The following GSDMC variants were observed in gnomAD, a reference collection of about 807,000 sequenced individuals.
GSDMC encodes the protein gasdermin C, also known as gasdermin-C.
GSDMC carries 59 observed loss-of-function variants against 58.0 expected under a neutral mutation model. That is an observed-to-expected ratio of 1.02 (90% CI 0.82 to 1.26). The LOEUF (loss-of-function observed/expected upper bound fraction) is 1.26. GSDMC is among the 50% of genes most tolerant of loss of function. GSDMC has a pLI of 0.00. For synonymous variants in GSDMC, 241 were observed against 220.2 expected (o/e 1.09, Z -0.83); for missense variants, 659 against 598.5 (o/e 1.10, Z -1.06).
downstream of GSDMC, among the ~76,000 whole-genome samples, chr8:129,747,065 C>T (rs1250190189): frequency 6.7e-6 from 1 of 149,498 alleles, no homozygotes; most frequent in African/African-American, 2.5e-5. Context: ...TCCCGGCCAA[C>T]ATGGTGAAAC....
chr8:129,708,545 A>C, the GSDMC span, among the ~76,000 whole-genome samples: 2 of 152,246 alleles, frequency 1.3e-5, no homozygotes. Flanking sequence ...ACATTCTTAT[A>C]TTCACCAGGA....
In GSDMC at chr8:129,753,550, T is replaced by A. The variant is rs116839636; in HGVS notation, c.722-730A>T. On this transcript the variant is annotated intron_variant, in intron 6 of 13. Transcript: ENST00000276708. Reference sequence around the variant, plus strand: ...CTCTGAGATGTGCTAACTAAAGGTGTGACTCAGCATATTCCCAGCTGCGGT... The same window carrying A: ...CTCTGAGATGTGCTAACTAAAGGTGAGACTCAGCATATTCCCAGCTGCGGT... Among the ~76,000 whole-genome samples, 393 of 152,300 alleles carry A rather than the reference T, an allele frequency of 2.6e-3. 1 individual carries two copies. Among genetic ancestry groups the A allele is most frequent in the African/African-American group, 9.1e-3 (377 of 41,558 alleles).
At position 129,748,553 on chromosome 8, in the gene GSDMC, A is replaced by G. The variant is rs979564302; in HGVS notation, c.1475T>C (p.Leu492Pro). ...STWDVEAKMP[L>P]SALYGTLSLL... ...CGAGAGAGTCCCATAGAGGGCAGACAGGGGCATCTTTGCTTCTACATCCCA... is the reference window on the plus strand; with the variant it reads ...CGAGAGAGTCCCATAGAGGGCAGACGGGGGCATCTTTGCTTCTACATCCCA... Residue 492 changes from leucine (L) to proline (P), a missense_variant, in exon 14 of 14, where the codon CTG (leucine) becomes CCG (proline). Coordinates refer to ENST00000276708, the MANE Select transcript of GSDMC (RefSeq NM_031415.3). 1.2e-6 allele frequency: 2 copies of G among 1,613,682 alleles called. No individual in the cohort carries two copies. The highest frequency in any genetic ancestry group is 3.3e-5 in the Admixed American group (2 of 59,972).
the GSDMC span, among the ~76,000 whole-genome samples, chr8:129,736,082 C>T: frequency 0.16 from 24,477 of 151,128 alleles, 2,549 homozygotes; most frequent in Non-Finnish European, 0.23. Context: ...CCTGGACACA[C>T]ACATGCTCCG....
chr8:129,773,249 A>G (rs1486830022), intron 3 of GSDMC, among the ~76,000 whole-genome samples: 1 of 152,226 alleles, frequency 6.6e-6, no homozygotes, highest in Non-Finnish European at 1.5e-5. Context: ...TCTATTCAGT[A>G]TGGCACTGGA....
intron 3 of GSDMC, among the ~76,000 whole-genome samples, chr8:129,769,932 C>T (rs1220285609): frequency 6.6e-6 from 1 of 151,972 alleles, no homozygotes; most frequent in East Asian, 1.9e-4. Context: ...TGTTAATTAA[C>T]AACGTAAAAC....
At chr8:129,740,837 T>C in the GSDMC span, among the ~76,000 whole-genome samples, 5 of 152,200 alleles carry the variant, frequency 3.3e-5, no homozygotes, top group Admixed American at 6.5e-5. Context: ...GCACAGAAGC[T>C]TTTTAACTTA....
At chr8:129,705,666 C>G in the GSDMC span, 1 of 152,188 alleles carries the variant, frequency 6.6e-6, no homozygotes, top group Non-Finnish European at 1.5e-5. Flanking sequence ...CTGGGTACCT[C>G]CCATGACACA....
chr8:129,742,609 T>C, the GSDMC span, among the ~76,000 whole-genome samples: 2 of 152,088 alleles, frequency 1.3e-5, no homozygotes, highest in African/African-American at 4.8e-5. Context: ...CCTTCATCCA[T>C]TCAACTCGAG....
intron 10 of GSDMC, 126 bp from the exon 11 acceptor site, chr8:129,750,696 A>C (rs1326413648): frequency 2.3e-6 from 2 of 880,388 alleles, no homozygotes; most frequent in African/African-American, 1.7e-5. Flanking sequence ...TGCTAACCAA[A>C]ATTGTCTCTG....
chr8:129,781,073 T>A (rs1273586191), intron 1 of GSDMC, among the ~76,000 whole-genome samples: 1 of 152,028 alleles, frequency 6.6e-6, no homozygotes, highest in African/African-American at 2.4e-5. Flanking sequence ...AATTGAAATA[T>A]ACCATCAGTG....
the GSDMC span, among the ~76,000 whole-genome samples, chr8:129,735,501 C>T: frequency 6.6e-6 from 1 of 152,192 alleles, no homozygotes; most frequent in Non-Finnish European, 1.5e-5. Flanking sequence ...GATTAAGAAA[C>T]TCACTTAAAA....
At chr8:129,750,235 CA>C in intron 11 of GSDMC, 116 bp from the exon 12 acceptor site, 2 of 1,045,056 alleles carry the variant, frequency 1.9e-6, no homozygotes, top group South Asian at 1.7e-5. Flanking sequence ...CTACCTCCCC[CA>C]GGGGATTCCA....
intron 4 of GSDMC, among the ~76,000 whole-genome samples, chr8:129,763,564 C>T (rs996836483): frequency 3.3e-5 from 5 of 152,206 alleles, no homozygotes; most frequent in East Asian, 3.9e-4. Context: ...TAAATCTCCT[C>T]GACTGATCCT....
intron 3 of GSDMC, among the ~76,000 whole-genome samples, chr8:129,768,087 T>C (rs1171359292): frequency 6.6e-6 from 1 of 152,018 alleles, no homozygotes; most frequent in East Asian, 1.9e-4. Flanking sequence ...CAGCCAGTGA[T>C]CCAGCCCGAC....
intron 12 of GSDMC, among the ~76,000 whole-genome samples, chr8:129,749,779 T>A (rs1317984869): frequency 6.6e-6 from 1 of 152,138 alleles, no homozygotes; most frequent in Admixed American, 6.5e-5. Context: ...TGGATGAACA[T>A]AAACTGGTAA....
the GSDMC span, chr8:129,730,337 T>C: frequency 7.5e-7 from 1 of 1,335,978 alleles, no homozygotes; most frequent in Non-Finnish European, 1.0e-6. Context: ...CACTGCATGA[T>C]CTTGAAACTG....
At chr8:129,731,253 G>A in the GSDMC span, among the ~76,000 whole-genome samples, 1 of 152,258 alleles carries the variant, frequency 6.6e-6, no homozygotes, top group Non-Finnish European at 1.5e-5. Flanking sequence ...CCATGGTGAA[G>A]TCAGACCTAA....
chr8:129,735,461 A>G, the GSDMC span, among the ~76,000 whole-genome samples: 295 of 152,350 alleles, frequency 1.9e-3, no homozygotes, highest in Admixed American at 2.9e-3. Flanking sequence ...ACTGTCTTTC[A>G]GACCACAGTG....
Sources: gnomAD v4.1 joint callset for allele counts (sites outside exome capture counted in the v4.1 genomes callset) on GRCh38, gnomAD v4.1.1 for gene constraint, MANE v1.5 for transcripts, NCBI Gene and HGNC (gene_info 2026-07-23, HGNC 2026-07-21) for gene names.